Variants in GPC5 observed in about 807,000 individuals in gnomAD.
GPC5 encodes the protein glypican 5.
GPC5 carries 47 observed loss-of-function variants against 53.9 expected under a neutral mutation model. The ratio of observed to expected loss-of-function variants is 0.87; its 90% CI spans 0.69 to 1.11. The LOEUF is 1.11. GPC5 is among the 50% of genes most tolerant of loss of function. The pLI is 0.00. For synonymous variants in GPC5, 286 were observed against 263.3 expected, an observed-to-expected ratio of 1.09 and a Z score of -0.84; for missense variants, 748 against 713.1, an observed-to-expected ratio of 1.05 and a Z score of -0.56.
chr13:92,327,650 A>C (rs568286438), intron 7 of GPC5, among the ~76,000 whole-genome samples: 1 of 152,254 alleles, frequency 6.6e-6, no homozygotes, highest in East Asian at 1.9e-4. Flanking sequence ...AGTGGTCTTT[A>C]GCACCATCAT....
intron 1 of GPC5, among the ~76,000 whole-genome samples, chr13:91,402,932 C>A (rs560173034): frequency 6.6e-6 from 1 of 152,182 alleles, no homozygotes; most frequent in African/African-American, 2.4e-5. Context: ...AACAAGGCTG[C>A]GCTGCTGCTA....
At chr13:92,091,259 T>G (rs1485621699) in intron 6 of GPC5, among the ~76,000 whole-genome samples, 1 of 152,160 alleles carries the variant, frequency 6.6e-6, no homozygotes, top group Non-Finnish European at 1.5e-5. Context: ...TTTGGAATTT[T>G]TAAGTGATAA....
intron 7 of GPC5, among the ~76,000 whole-genome samples, chr13:92,860,796 C>A (rs1182703956): frequency 6.6e-6 from 1 of 152,106 alleles, no homozygotes; most frequent in Admixed American, 6.6e-5. Context: ...TAATTCACAT[C>A]TAATTCTAAT....
chr13:91,519,102 CT>C (rs1214718595), intron 2 of GPC5, among the ~76,000 whole-genome samples: 2 of 151,996 alleles, frequency 1.3e-5, no homozygotes, highest in Non-Finnish European at 2.9e-5. Flanking sequence ...TATTTGTTTC[CT>C]TTTTTTCTGG....
intron 2 of GPC5, among the ~76,000 whole-genome samples, chr13:91,489,216 A>G (rs1883791369): frequency 6.6e-6 from 1 of 152,078 alleles, no homozygotes; most frequent in Non-Finnish European, 1.5e-5. Context: ...GATCTCTGTG[A>G]CTCACACCCT....
intron 7 of GPC5, among the ~76,000 whole-genome samples, chr13:92,425,776 G>A (rs908372301): frequency 1.3e-5 from 2 of 151,954 alleles, no homozygotes; most frequent in Non-Finnish European, 2.9e-5. Context: ...TGACACCCAT[G>A]TTCACTGCTT....
intron 7 of GPC5, among the ~76,000 whole-genome samples, chr13:92,613,343 T>C (rs1165536442): frequency 9.6e-6 from 1 of 103,756 alleles, no homozygotes; most frequent in South Asian, 2.8e-4. Context: ...ATAATATATT[T>C]ATATATAAAT....
intron 5 of GPC5, among the ~76,000 whole-genome samples, chr13:91,792,704 A>G (rs1320830872): frequency 6.6e-6 from 1 of 152,170 alleles, no homozygotes; most frequent in Non-Finnish European, 1.5e-5. Flanking sequence ...GTTTCTAAGT[A>G]ACAGTTCATA....
At chr13:92,503,448 G>A (rs1390499468) in intron 7 of GPC5, among the ~76,000 whole-genome samples, 1 of 151,538 alleles carries the variant, frequency 6.6e-6, no homozygotes, top group Non-Finnish European at 1.5e-5. Flanking sequence ...AAGAAGAAAA[G>A]CTTGACATGA....
intron 7 of GPC5, among the ~76,000 whole-genome samples, chr13:92,558,773 T>C (rs1882591113): frequency 6.6e-6 from 1 of 151,894 alleles, no homozygotes; most frequent in Admixed American, 6.6e-5. Context: ...TTAGCACATA[T>C]AGTAATAGAA....
chr13:92,351,256 T>C (rs2043474908), intron 7 of GPC5, among the ~76,000 whole-genome samples: 1 of 151,896 alleles, frequency 6.6e-6, no homozygotes, highest in Non-Finnish European at 1.5e-5. Flanking sequence ...ACTAACTACA[T>C]ACAAAGTAGA....
chr13:92,286,633 G>A (rs2042956796), intron 7 of GPC5, among the ~76,000 whole-genome samples: 1 of 151,104 alleles, frequency 6.6e-6, no homozygotes, highest in African/African-American at 2.4e-5. Flanking sequence ...ACTATCTCAA[G>A]GACAAAAAAC....
chr13:92,594,222 G>C (rs1023318915), intron 7 of GPC5, among the ~76,000 whole-genome samples: 2 of 152,072 alleles, frequency 1.3e-5, no homozygotes, highest in African/African-American at 4.8e-5. Context: ...ACTAAAAACA[G>C]GGTTGATTGA....
At chr13:92,816,956 A>G (rs1223532474) in intron 7 of GPC5, among the ~76,000 whole-genome samples, 1 of 151,914 alleles carries the variant, frequency 6.6e-6, no homozygotes, top group African/African-American at 2.4e-5. Context: ...TCTACCCTCT[A>G]TAGTGATGTT....
intron 7 of GPC5, among the ~76,000 whole-genome samples, chr13:92,824,475 C>T (rs1318794513): frequency 1.3e-5 from 2 of 152,010 alleles, no homozygotes; most frequent in African/African-American, 4.8e-5. Flanking sequence ...TCACAGGAAG[C>T]CCTGTAGACT....
chr13:91,674,065 T>G (rs2139689671), intron 2 of GPC5, among the ~76,000 whole-genome samples: 1 of 152,318 alleles, frequency 6.6e-6, no homozygotes, highest in East Asian at 1.9e-4. Context: ...GGTTGCACCT[T>G]TATCTTTGTA....
chr13:91,989,991 A>G (rs1474755149), intron 6 of GPC5, among the ~76,000 whole-genome samples: 1 of 152,174 alleles, frequency 6.6e-6, no homozygotes, highest in African/African-American at 2.4e-5. Context: ...TAAAACCTGC[A>G]TGATTCATAT....
At chr13:91,655,555 A>G (rs1233350559) in intron 2 of GPC5, among the ~76,000 whole-genome samples, 2 of 152,088 alleles carry the variant, frequency 1.3e-5, no homozygotes, top group Non-Finnish European at 2.9e-5. Flanking sequence ...AAGATATTTA[A>G]AAATTAATAA....
intron 4 of GPC5, among the ~76,000 whole-genome samples, chr13:91,742,746 A>G (rs1425808858): frequency 6.6e-6 from 1 of 152,146 alleles, no homozygotes; most frequent in African/African-American, 2.4e-5. Flanking sequence ...GATAGGCTTA[A>G]TTCGGGGAGC....
Sources: gnomAD v4.1 joint callset for allele counts (sites outside exome capture counted in the v4.1 genomes callset) on GRCh38, gnomAD v4.1.1 for gene constraint, MANE v1.5 for transcripts, NCBI Gene and HGNC (gene_info 2026-07-23, HGNC 2026-07-21) for gene names.